Variants in SLC9A4 observed in about 807,000 individuals in gnomAD.
SLC9A4 encodes the protein solute carrier family 9 member A4, also known as sodium/hydrogen exchanger 4.
Under a neutral mutation model 67.4 loss-of-function variants are expected in SLC9A4, and 63 were observed. The observed-to-expected ratio is 0.93, with a 90% confidence interval of 0.76 to 1.15. SLC9A4 has a LOEUF of 1.15. Ranked by LOEUF, SLC9A4 falls within the 50% of genes most tolerant of loss-of-function variation. The pLI is 0.00. For synonymous variants in SLC9A4, 393 were observed against 367.2 expected (o/e 1.07, Z -0.80); for missense variants, 1,089 against 987.7 (o/e 1.10, Z -1.38).
rs776527181 is a variant in SLC9A4, at chr2:102,532,367, G to A, written c.2076G>A (p.Thr692=). 1.4e-5 allele frequency: 23 copies of A among 1,613,928 alleles called. No individual in the cohort carries two copies. The highest frequency in any genetic ancestry group is 1.6e-4 in the Middle Eastern group (1 of 6,082). ...DSSDPGSPSI[T]FSACSRIGSL... Reference sequence around the variant, plus strand: ...GTGATCCAGGATCCCCATCCATCACGTTCAGCGCATGCTCTCGGATAGGGT... The same window carrying A: ...GTGATCCAGGATCCCCATCCATCACATTCAGCGCATGCTCTCGGATAGGGT... Residue 692 remains threonine, a synonymous_variant, in exon 12 of 12, where the codon ACG becomes ACA. Coordinates refer to ENST00000295269, the MANE Select transcript of SLC9A4 (RefSeq NM_001011552.4).
intron 2 of SLC9A4, among the ~76,000 whole-genome samples, chr2:102,493,183 T>C (rs758790537): frequency 7.2e-5 from 11 of 152,240 alleles, no homozygotes; most frequent in South Asian, 6.2e-4. Flanking sequence ...CCAATCTTTC[T>C]TGTCTTCTTC....
At chr2:102,475,854 A>G (rs1684320086) in intron 1 of SLC9A4, among the ~76,000 whole-genome samples, 1 of 152,222 alleles carries the variant, frequency 6.6e-6, no homozygotes, top group South Asian at 2.1e-4. Context: ...AATAATGATG[A>G]TGATGATTTA....
chr2:102,532,859 T>A lies in SLC9A4; in HGVS notation c.*171T>A. 1.5e-6 allele frequency: 1 copy of A among 649,530 alleles called. No homozygotes were observed. The highest frequency in any genetic ancestry group is 2.6e-6 in the Non-Finnish European group (1 of 389,966). The allele number at this position is 649,530 out of a possible 1,614,324, so 40.2% of individuals were successfully genotyped here. ...TTTTTTCCAAGGACTGGGAGCAAACTTGCAGGCTCTGCCATGTACTTATTG... is the reference window on the plus strand; with the variant it reads ...TTTTTTCCAAGGACTGGGAGCAAACATGCAGGCTCTGCCATGTACTTATTG... On this transcript the variant is annotated 3_prime_UTR_variant, in exon 12 of 12. Coordinates refer to ENST00000295269, the MANE Select transcript of SLC9A4 (RefSeq NM_001011552.4).
intron 3 of SLC9A4, 130 bp from the exon 4 acceptor site, chr2:102,505,124 A>G (rs1250562602): frequency 8.8e-6 from 7 of 793,408 alleles, no homozygotes; most frequent in Non-Finnish European, 1.4e-5. Context: ...CTGCAGCCAC[A>G]GAAGGGAATA....
At chr2:102,527,045 A>T (rs1260458492) in intron 11 of SLC9A4, among the ~76,000 whole-genome samples, 2 of 152,222 alleles carry the variant, frequency 1.3e-5, no homozygotes, top group African/African-American at 4.8e-5. Context: ...TTAACCTTTA[A>T]GGAGTATATG....
At chr2:102,530,086 A>G (rs1439667000) in intron 11 of SLC9A4, among the ~76,000 whole-genome samples, 1 of 152,168 alleles carries the variant, frequency 6.6e-6, no homozygotes, top group Non-Finnish European at 1.5e-5. Context: ...AATGGTTAAA[A>G]TGGTCAATTT....
chr2:102,479,487 G>C (rs6753066), intron 2 of SLC9A4, among the ~76,000 whole-genome samples, 185 bp downstream of exon 2: 16,433 of 152,140 alleles, frequency 0.11, 1,166 homozygotes, highest in African/African-American at 0.2. Context: ...CTACATAACG[G>C]TTCACTCACA....
At chr2:102,518,107 G>A (rs749324506) in intron 8 of SLC9A4, among the ~76,000 whole-genome samples, 1 of 152,126 alleles carries the variant, frequency 6.6e-6, no homozygotes, top group Non-Finnish European at 1.5e-5. Context: ...TTCTCAGTGT[G>A]GCTCCATGAA....
chr2:102,521,993 C>T (rs547518251), intron 9 of SLC9A4, among the ~76,000 whole-genome samples: 134 of 152,320 alleles, frequency 8.8e-4, no homozygotes, highest in Middle Eastern at 3.4e-3. Context: ...AGTCCTTCGA[C>T]TCAGTACACC....
intron 11 of SLC9A4, among the ~76,000 whole-genome samples, chr2:102,529,111 G>A (rs1159180522): frequency 6.6e-6 from 1 of 152,144 alleles, no homozygotes; most frequent in African/African-American, 2.4e-5. Context: ...TACTACTTAG[G>A]GACTTAAAGA....
chr2:102,488,324 C>T (rs544642197), intron 2 of SLC9A4, among the ~76,000 whole-genome samples: 32 of 152,270 alleles, frequency 2.1e-4, no homozygotes, highest in Non-Finnish European at 3.7e-4. Flanking sequence ...TTCCTTATAG[C>T]TTCCTCCATG....
chr2:102,496,820 C>T lies in SLC9A4; in HGVS notation c.721-6628C>T, dbSNP rs114339466. ...ATAAAACAGAAATCTTAGAGGCATTCCCAGAACTGGGATTAATCAGAAATC... is the reference window on the plus strand; with the variant it reads ...ATAAAACAGAAATCTTAGAGGCATTTCCAGAACTGGGATTAATCAGAAATC... On this transcript the variant is annotated intron_variant, in intron 2 of 11. Transcript: ENST00000295269. Among the ~76,000 whole-genome samples, 1,221 of 152,332 alleles carry T rather than the reference C, an allele frequency of 8.0e-3. 13 individuals carry two copies. Among genetic ancestry groups the T allele is most frequent in the African/African-American group, 0.028 (1,168 of 41,568 alleles).
At chr2:102,487,365 G>A (rs935778496) in intron 2 of SLC9A4, among the ~76,000 whole-genome samples, 6 of 152,164 alleles carry the variant, frequency 3.9e-5, no homozygotes, top group African/African-American at 1.4e-4. Flanking sequence ...AAATGAAGGA[G>A]AGTGTTGCAG....
intron 11 of SLC9A4, among the ~76,000 whole-genome samples, chr2:102,526,564 T>C: frequency 6.6e-6 from 1 of 152,230 alleles, no homozygotes; most frequent in Middle Eastern, 3.2e-3. Flanking sequence ...TGAAATATTA[T>C]CTTCTTTTAA....
At chr2:102,532,265 A>G in intron 11 of SLC9A4, 65 bp from the exon 12 acceptor site, 1 of 1,505,766 alleles carries the variant, frequency 6.6e-7, no homozygotes, top group Non-Finnish European at 9.0e-7. Context: ...TGCCATGTGG[A>G]TATTAAGTCT....
chr2:102,530,496 G>A (rs1674754793), intron 11 of SLC9A4, among the ~76,000 whole-genome samples: 2 of 152,182 alleles, frequency 1.3e-5, no homozygotes, highest in Admixed American at 1.3e-4. Flanking sequence ...TCTCAGCCGA[G>A]TGAAACTTTG....
At chr2:102,524,878 C>A in intron 9 of SLC9A4, 146 bp from the exon 10 acceptor site, 1 of 930,078 alleles carries the variant, frequency 1.1e-6, no homozygotes, top group Non-Finnish European at 1.6e-6. Flanking sequence ...GAGGCTTGTT[C>A]ATTCGTAATC....
At position 102,482,677 on chromosome 2, in the gene SLC9A4, G is replaced by A. The variant is rs77901828; in HGVS notation, c.720+3375G>A. On this transcript the variant is annotated intron_variant, in intron 2 of 11. Transcript: ENST00000295269. ...GGAGGTTATTTGGTTACTCTCACCC[G>A]CACTACTGACAATGTCCTGGAGGGT... Among the ~76,000 whole-genome samples, 105 of 152,124 alleles carry A rather than the reference G, an allele frequency of 6.9e-4. No homozygotes were observed. The South Asian group carries it at 0.019, about 27-fold the overall frequency.
chr2:102,523,697 G>A (rs1157361657), intron 9 of SLC9A4, among the ~76,000 whole-genome samples: 8 of 152,170 alleles, frequency 5.3e-5, no homozygotes, highest in Non-Finnish European at 1.0e-4. Flanking sequence ...TGGCCTGGCC[G>A]CAGCCCCTCC....
Sources: allele counts gnomAD v4.1 joint callset (sites outside exome capture counted in the v4.1 genomes callset), GRCh38; gene constraint gnomAD v4.1.1; transcripts MANE v1.5; gene names NCBI Gene and HGNC (gene_info 2026-07-23, HGNC 2026-07-21).